Variants in TTC7B observed in about 807,000 individuals in gnomAD.
TTC7B encodes tetratricopeptide repeat domain 7B, also known as tetratricopeptide repeat protein 7B.
In TTC7B, 28 loss-of-function variants were observed where a neutral mutation model predicts 106.8. That is an observed-to-expected ratio of 0.26 (90% CI 0.19 to 0.36). The LOEUF (loss-of-function observed/expected upper bound fraction) is 0.36, where lower values mean the gene tolerates loss of function less well. Among genes scored for constraint, TTC7B ranks in the 10% least tolerant of loss-of-function variants. TTC7B has a pLI of 1.00. For missense variants in TTC7B, 862 were observed against 1,076.4 expected, an observed-to-expected ratio of 0.80 and a Z score of 2.79; for synonymous variants, 405 against 430.6, an observed-to-expected ratio of 0.94 and a Z score of 0.74.
chr14:90,657,407 G>T lies in TTC7B; in HGVS notation c.1237-129C>A. The T allele has an allele frequency of 1.3e-6, 1 of 778,368 alleles. No homozygotes were observed. Among genetic ancestry groups the T allele is most frequent in the Non-Finnish European group, 2.0e-6 (1 of 488,750 alleles). The allele number at this position is 778,368 out of a possible 1,614,324, so 48.2% of individuals were successfully genotyped here. A position where few individuals can be genotyped will look rare whatever the true frequency, so the allele number is the denominator to read the frequency against. On this transcript the variant is annotated intron_variant, in intron 10 of 19. Transcript: ENST00000328459. The surrounding 1 kb of genome is among the most constrained non-coding windows in gnomAD (Gnocchi z 4.2). ...CTTGTCCAACTTTAAGCCCAAGCAA[G>T]CGGGGGCCTGAGGTGCATGAAAACC...
chr14:90,583,072 C>T (rs1211144470), intron 18 of TTC7B, among the ~76,000 whole-genome samples: 1 of 152,180 alleles, frequency 6.6e-6, no homozygotes, highest in Non-Finnish European at 1.5e-5. Flanking sequence ...GAGTCCATAG[C>T]CCAAATAAGG....
chr14:90,810,441 T>A (rs2030837560), intron 1 of TTC7B, among the ~76,000 whole-genome samples: 1 of 152,232 alleles, frequency 6.6e-6, no homozygotes, highest in African/African-American at 2.4e-5. Flanking sequence ...CCAGGGCTCT[T>A]ACCCACTGTG....
intron 13 of TTC7B, chr14:90,648,496 C>T (rs889312425): frequency 2.0e-5 from 3 of 152,336 alleles, no homozygotes; most frequent in African/African-American, 4.8e-5. Flanking sequence ...GGACCACAGG[C>T]GTGCTCCCCA....
intron 9 of TTC7B, chr14:90,676,187 A>G (rs1886828922): frequency 8.7e-6 from 2 of 229,146 alleles, no homozygotes; most frequent in South Asian, 8.1e-5. Context: ...TTTAAAGGAA[A>G]CCTGTTCTAT....
At chr14:90,814,599 T>C (rs1375466806) in intron 1 of TTC7B, among the ~76,000 whole-genome samples, 4 of 152,012 alleles carry the variant, frequency 2.6e-5, no homozygotes, top group Non-Finnish European at 5.9e-5. Flanking sequence ...GGCTCACAAA[T>C]AAACCCATTT....
intron 12 of TTC7B, among the ~76,000 whole-genome samples, chr14:90,654,477 T>C (rs1221706814): frequency 6.6e-6 from 1 of 152,202 alleles, no homozygotes; most frequent in African/African-American, 2.4e-5. Flanking sequence ...CAAAAATCAC[T>C]GCGCCCAAGA....
intron 16 of TTC7B, among the ~76,000 whole-genome samples, chr14:90,616,101 G>A (rs890123556): frequency 1.3e-5 from 2 of 152,214 alleles, no homozygotes; most frequent in African/African-American, 4.8e-5. Flanking sequence ...GTGGGGAGGT[G>A]GGAGAGGTGT....
intron 19 of TTC7B, among the ~76,000 whole-genome samples, chr14:90,569,409 C>T (rs1438861685): frequency 1.3e-5 from 2 of 152,136 alleles, no homozygotes; most frequent in East Asian, 3.9e-4. Flanking sequence ...GAGTGTGTCC[C>T]AACAGACGAC....
chr14:90,752,980 G>A (rs78442576), intron 3 of TTC7B, among the ~76,000 whole-genome samples: 1,903 of 152,248 alleles, frequency 0.012, 39 homozygotes, highest in African/African-American at 0.044. Context: ...TCCCCAGATC[G>A]CTGGGCCTCC....
rs192766542 is a variant in TTC7B, at chr14:90,787,320, C to T, written c.122-992G>A. On this transcript the variant is annotated intron_variant, in intron 1 of 19. Coordinates refer to ENST00000328459, the MANE Select transcript of TTC7B (RefSeq NM_001010854.2). ...GCTCTTTGTAATCCACACCACCCCC[C>T]AGACTCTTCTGAATAAACCCAGAAC... Among the ~76,000 whole-genome samples the T allele has an allele frequency of 2.3e-4, 35 of 152,346 alleles. No individual in the cohort carries two copies. The East Asian group carries it at 6.0e-3, about 26-fold the overall frequency.
At chr14:90,688,363 A>AC (rs1387374055) in intron 7 of TTC7B, among the ~76,000 whole-genome samples, 2 of 151,982 alleles carry the variant, frequency 1.3e-5, no homozygotes, top group Admixed American at 1.3e-4. Flanking sequence ...GGTGGCTCAC[A>AC]CCTGTAATCC....
chr14:90,815,513 C>T (rs1433157404), intron 1 of TTC7B, among the ~76,000 whole-genome samples: 1 of 152,058 alleles, frequency 6.6e-6, no homozygotes, highest in African/African-American at 2.4e-5. Context: ...AATATTCTCC[C>T]TCCAGGTCCC....
At chr14:90,780,968 A>G (rs1891202563) in intron 2 of TTC7B, 62 bp from the exon 3 acceptor site, 7 of 1,501,812 alleles carry the variant, frequency 4.7e-6, no homozygotes, top group South Asian at 1.2e-5. Flanking sequence ...ATGCTCCCTC[A>G]GAGTCTGGCC....
At chr14:90,811,121 C>G (rs1453391806) in intron 1 of TTC7B, among the ~76,000 whole-genome samples, 3 of 152,240 alleles carry the variant, frequency 2.0e-5, no homozygotes, top group Non-Finnish European at 4.4e-5. Flanking sequence ...GCCCCAATCC[C>G]AGCTCAGTGC....
chr14:90,721,809 GC>G (rs146330530), intron 5 of TTC7B, among the ~76,000 whole-genome samples: 11 of 152,244 alleles, frequency 7.2e-5, no homozygotes, highest in Non-Finnish European at 1.5e-4. Context: ...ACTCCATAAA[GC>G]CAGCGACTGG....
At chr14:90,601,960 C>T in intron 17 of TTC7B, 1 of 342,412 alleles carries the variant, frequency 2.9e-6, no homozygotes, top group Non-Finnish European at 5.8e-6. Flanking sequence ...GCAGGGAAAT[C>T]TCTTTTATGA....
In TTC7B at chr14:90,615,586, G is replaced by A. The variant is rs569736911; in HGVS notation, c.1868+2343C>T. Among the ~76,000 whole-genome samples the A allele has an allele frequency of 3.3e-5, 5 of 152,348 alleles. No homozygotes were observed. The East Asian group carries it at 9.6e-4, about 29-fold the overall frequency. On this transcript the variant is annotated intron_variant, in intron 16 of 19. Transcript: ENST00000328459. ...ATGCCCTGATCCCAGCCTCTAGGCT[G>A]CTGGAGCCACTGCGGCCCCACTCGG...
At chr14:90,599,350 C>T (rs1892337654) in intron 17 of TTC7B, among the ~76,000 whole-genome samples, 1 of 152,210 alleles carries the variant, frequency 6.6e-6, no homozygotes, top group South Asian at 2.1e-4. Flanking sequence ...TCTCCCCTCA[C>T]AGCACATAGA....
At chr14:90,594,040 C>T (rs913114674) in intron 17 of TTC7B, 1 of 155,200 alleles carries the variant, frequency 6.4e-6, no homozygotes, top group African/African-American at 2.4e-5. Context: ...CCTGGGGTAG[C>T]ATTTGGAGTA....
Sources: allele counts gnomAD v4.1 joint callset (sites outside exome capture counted in the v4.1 genomes callset), GRCh38; gene constraint gnomAD v4.1.1; non-coding constraint Gnocchi (gnomAD v3.1); transcripts MANE v1.5; gene names NCBI Gene and HGNC (gene_info 2026-07-23, HGNC 2026-07-21).